ZNF91: variants seen among roughly 807,000 people sequenced by gnomAD.
ZNF91 encodes zinc finger protein 91, also known as zinc finger protein 91 (HPF7, HTF10).
ZNF91 carries 7 observed loss-of-function variants against 12.6 expected under a neutral mutation model. The observed-to-expected ratio is 0.55, with a 90% CI of 0.31 to 1.04. The LOEUF is 1.04. Among genes scored for constraint, ZNF91 ranks in the 50% least tolerant of loss-of-function variants. The pLI is 0.05. For missense variants in ZNF91, 1,217 were observed against 1,385.4 expected, an observed-to-expected ratio of 0.88 and a Z score of 1.93; for synonymous variants, 453 against 462.6, an observed-to-expected ratio of 0.98 and a Z score of 0.27.
chr19:23,361,030 C>G lies in ZNF91; in HGVS notation c.1949G>C (p.Arg650Thr), dbSNP rs1397982519. ...GTAGGGTTTCTCTCCAGTATGAATT[C>G]TCTTATGTTTAGCAAGGGCTGAAGA... Reference protein sequence around the residue: ...SHSSALAKHKRIHTGEKPYKC... With the variant: ...SHSSALAKHKTIHTGEKPYKC... Residue 650 changes from arginine (R) to threonine (T), a missense_variant, in exon 4 of 4, where the codon AGA becomes ACA. Transcript: ENST00000300619. 1 of 1,599,248 alleles carries G rather than the reference C, an allele frequency of 6.3e-7. No homozygotes were observed. The highest frequency in any genetic ancestry group is 1.4e-5 in the African/African-American group (1 of 73,408).
intron 1 of ZNF91, chr19:23,384,607 CTCCCGATATCA>C: frequency 5.6e-6 from 5 of 900,524 alleles, no homozygotes; most frequent in Non-Finnish European, 7.6e-6. Flanking sequence ...GACATTCTGT[CTCCCGATATCA>C]TCAGTCCCCC....
chr19:23,359,380 G>A lies in ZNF91; in HGVS notation c.*23C>T, dbSNP rs1006376072. ...TGGGACTACAGGCGCCCGCCACCAC[G>A]CCCGGCTAATTTTTTGTATTTTTTA... On this transcript the variant is annotated 3_prime_UTR_variant, in exon 4 of 4. Coordinates refer to ENST00000300619, the MANE Select transcript of ZNF91 (RefSeq NM_003430.4). The A allele has an allele frequency of 3.4e-5, 28 of 822,674 alleles. No individual in the cohort carries two copies. Among genetic ancestry groups the A allele is most frequent in the African/African-American group, 2.1e-4 (12 of 57,538 alleles). 51.0% of individuals were successfully genotyped at this position (822,674 alleles called of 1,614,324 possible). A position where few individuals can be genotyped will look rare whatever the true frequency, so the allele number is the denominator to read the frequency against.
intron 1 of ZNF91, among the ~76,000 whole-genome samples, chr19:23,322,470 G>C (rs1199492608): frequency 2.0e-5 from 3 of 152,082 alleles, no homozygotes; most frequent in African/African-American, 4.8e-5. Flanking sequence ...CAATGCAACT[G>C]TTTTGCATTG....
At chr19:23,389,571 C>T (rs907793449) in intron 1 of ZNF91, among the ~76,000 whole-genome samples, 1 of 152,038 alleles carries the variant, frequency 6.6e-6, no homozygotes, top group African/African-American at 2.4e-5. Flanking sequence ...CATCAGAGCT[C>T]CTTTCCTCTA....
rs777671294 is a variant in ZNF91, at chr19:23,360,014, T to C, written c.2965A>G (p.Thr989Ala). The C allele has an allele frequency of 3.1e-6, 5 of 1,613,574 alleles. No homozygotes were observed. The highest frequency in any genetic ancestry group is 4.2e-6 in the Non-Finnish European group (5 of 1,180,008). The change falls in exon 4 of 4, where the codon ACT (threonine) becomes GCT (alanine). Residue 989 changes from threonine to alanine, a missense_variant. Physicochemically the swap from Thr to Ala is moderately conservative, Grantham distance 58 (BLOSUM62 0). This residue lies in a region of ZNF91 where 491 missense variants were observed against 489.8 expected (regional missense o/e 1.00). Transcript: ENST00000300619. ...TCACATTTGTAGGGTTTCTCTCCAG[T>C]ATGAATTATCTTATGTTCAGTAAGA... ...STLTEHKIIHTGEKPYKCEEC... is the reference protein window; with the variant it reads ...STLTEHKIIHAGEKPYKCEEC...
In ZNF91 at chr19:23,394,628, T is replaced by G. The variant is rs1444132397; in HGVS notation, c.30+697A>C. 2.6e-5 allele frequency among the ~76,000 whole-genome samples: 4 copies of G among 152,026 alleles called. No individual in the cohort carries two copies. The East Asian group carries it at 7.7e-4, about 29-fold the overall frequency. ...CGCCTGTAATCCCAGCTACTAGGGC[T>G]GAGGCAGGAGAATCGCTTGAACCCG... On this transcript the variant is annotated intron_variant, in intron 1 of 3. Transcript: ENST00000300619.
At chr19:23,375,417 C>T (rs1969471198) in intron 1 of ZNF91, among the ~76,000 whole-genome samples, 1 of 152,104 alleles carries the variant, frequency 6.6e-6, no homozygotes, top group South Asian at 2.1e-4. Context: ...CCTCGGCCTC[C>T]CAAAGTGCTG....
intron 1 of ZNF91, among the ~76,000 whole-genome samples, chr19:23,392,117 CG>C (rs1464071042): frequency 6.6e-6 from 1 of 152,030 alleles, no homozygotes; most frequent in Admixed American, 6.6e-5. Flanking sequence ...ATTAGTCTGC[CG>C]GGCACAGTGG....
At chr19:23,342,800 T>C (rs545039777) in intron 3 of ZNF91, among the ~76,000 whole-genome samples, 9 of 152,138 alleles carry the variant, frequency 5.9e-5, no homozygotes, top group East Asian at 1.9e-4. Flanking sequence ...TTCTCTAACA[T>C]TGCATCTCTA....
In ZNF91 at chr19:23,359,655, A is replaced by C; in HGVS notation, c.3324T>G (p.Cys1108Trp). The change falls in exon 4 of 4, where the codon TGT becomes TGG. Residue 1108 changes from cysteine (C) to tryptophan (W), a missense_variant. By Grantham distance (215) the Cys-to-Trp change is radical. Transcript: ENST00000300619. ...CTTTAAAGGCTTTGCCACATTCTCC[A>C]CATTTGTAGGGTTTCTCTCCGGTGT... ...RLHTGEKPYKCGECGKAFKES... is the reference protein window; with the variant it reads ...RLHTGEKPYKWGECGKAFKES... The C allele has an allele frequency of 6.2e-7, 1 of 1,613,898 alleles. No homozygotes were observed. Among genetic ancestry groups the C allele is most frequent in the East Asian group, 2.2e-5 (1 of 44,880 alleles).
At chr19:23,323,613 TTTCTCTTCTCCTTTCTCCTCCTCC>T (rs1355710683) in intron 1 of ZNF91, among the ~76,000 whole-genome samples, 2 of 119,236 alleles carry the variant, frequency 1.7e-5, no homozygotes, top group Non-Finnish European at 3.3e-5. Flanking sequence ...TCCTCCTCCT[TTTCTCTTCTCCTTTCTCCTCCTCC>T]TTCTCTTCTC....
intron 1 of ZNF91, chr19:23,324,112 CTTTT>C (rs1967788796): frequency 6.9e-6 from 1 of 144,382 alleles, no homozygotes; most frequent in Non-Finnish European, 1.5e-5. Context: ...CTCCTTTCCT[CTTTT>C]TCTCATCCTC....
At chr19:23,373,265 A>G (rs1367557269) in intron 3 of ZNF91, among the ~76,000 whole-genome samples, 1 of 151,138 alleles carries the variant, frequency 6.6e-6, no homozygotes, top group Non-Finnish European at 1.5e-5. Context: ...TGTGGAAGAC[A>G]AAACAGTCAA....
Position 23,349,315 on chromosome 19 carries a change from C to A in ZNF91, c.254-10261G>T, listed in dbSNP as rs572034767. On this transcript the variant is annotated intron_variant, in intron 3 of 3. Coordinates refer to the ZNF91 transcript ENST00000599743. The stretch of plus-strand genomic sequence containing the variant: ...TCATGGTCCTACCAATATGTGATGG[C>A]ATCCCTGGAGGCCCAGCTGTAAAAT... Among the ~76,000 whole-genome samples, 138 of 152,212 alleles carry A rather than the reference C, an allele frequency of 9.1e-4. 1 individual carries two copies. The highest frequency in any genetic ancestry group is 3.4e-3 in the Middle Eastern group (1 of 294).
intron 1 of ZNF91, among the ~76,000 whole-genome samples, chr19:23,375,245 C>G (rs1969464300): frequency 6.6e-6 from 1 of 151,958 alleles, no homozygotes; most frequent in Non-Finnish European, 1.5e-5. Context: ...ACTGCAAGCT[C>G]CGCCTCCCGG....
intron 1 of ZNF91, among the ~76,000 whole-genome samples, chr19:23,332,686 C>G: frequency 6.6e-6 from 1 of 152,182 alleles, no homozygotes; most frequent in East Asian, 1.9e-4. Flanking sequence ...CACAGCTTAC[C>G]TAGTCAACAC....
chr19:23,354,313 C>T (rs1353362628), downstream of ZNF91, among the ~76,000 whole-genome samples: 1 of 152,046 alleles, frequency 6.6e-6, no homozygotes, highest in African/African-American at 2.4e-5. Context: ...TGGTTTAACA[C>T]ACACAAGTCA....
chr19:23,321,521 C>T (rs1400926875), intron 1 of ZNF91, among the ~76,000 whole-genome samples: 1 of 152,088 alleles, frequency 6.6e-6, no homozygotes, highest in Non-Finnish European at 1.5e-5. Flanking sequence ...TCCCTGGGCT[C>T]AGCACCTAGC....
chr19:23,347,088 G>A (rs372698439), intron 3 of ZNF91, among the ~76,000 whole-genome samples: 27 of 151,624 alleles, frequency 1.8e-4, no homozygotes, highest in South Asian at 8.4e-4. Flanking sequence ...CAAGGATGCC[G>A]GCATGCTGGC....
Sources: allele counts gnomAD v4.1 joint callset (sites outside exome capture counted in the v4.1 genomes callset), GRCh38; gene constraint gnomAD v4.1.1; regional missense constraint gnomAD v4.1.1; transcripts MANE v1.5; gene names NCBI Gene and HGNC (gene_info 2026-07-23, HGNC 2026-07-21).